The following PRDM16 variants were observed in gnomAD, a reference collection of about 807,000 sequenced individuals.
PRDM16 encodes the protein histone-lysine N-methyltransferase PRDM16.
A neutral mutation model predicts 110.6 loss-of-function variants in PRDM16; 23 were observed. The observed-to-expected ratio is 0.21, with a 90% CI of 0.15 to 0.29. The LOEUF (loss-of-function observed/expected upper bound fraction) is 0.29. PRDM16 is among the 10% of genes least tolerant of loss of function. The pLI, the probability that PRDM16 is intolerant of heterozygous loss-of-function variation, is 1.00. For synonymous variants in PRDM16, 799 were observed against 781.8 expected, an observed-to-expected ratio of 1.02 and a Z score of -0.37; for missense variants, 1,615 against 1,794.3, an observed-to-expected ratio of 0.90 and a Z score of 1.81.
Position 3,330,058 on chromosome 1 carries a change from C to T in PRDM16, c.439-55094C>T, listed in dbSNP as rs865858898. 3.3e-5 allele frequency among the ~76,000 whole-genome samples: 5 copies of T among 152,326 alleles called. No individual in the cohort carries two copies. The Middle Eastern group carries it at 0.014, about 417-fold the overall frequency. On this transcript the variant is annotated intron_variant, in intron 3 of 16. Transcript: ENST00000270722. ...TCACAAGTGATGATGGCAGAGTCTG[C>T]CCAGAGAACAGCAGCAGAGCCCTCC...
chr1:3,120,464 C>G (rs1035395131), intron 1 of PRDM16, among the ~76,000 whole-genome samples: 1 of 152,130 alleles, frequency 6.6e-6, no homozygotes, highest in Non-Finnish European at 1.5e-5. Flanking sequence ...GGGGTCGTCA[C>G]ACACAAAAAG....
intron 2 of PRDM16, among the ~76,000 whole-genome samples, chr1:3,191,998 GT>G (rs1461622793): frequency 6.6e-6 from 1 of 152,200 alleles, no homozygotes; most frequent in Non-Finnish European, 1.5e-5. Context: ...TTACTCCAGG[GT>G]TTTTGCAATG....
At position 3,316,712 on chromosome 1, in the gene PRDM16, G is replaced by T. The variant is rs199698147; in HGVS notation, c.439-68440G>T. On this transcript the variant is annotated intron_variant, in intron 3 of 16. Coordinates refer to ENST00000270722, the MANE Select transcript of PRDM16 (RefSeq NM_022114.4). ...GTAGACAGGAAACAGTGACATAGTG[G>T]AGCCAGGAAACAGTGACACGGTGTA... is the stretch of plus-strand genomic sequence containing the variant. Among the ~76,000 whole-genome samples the T allele has an allele frequency of 9.7e-5, 14 of 143,818 alleles. No individual in the cohort carries two copies. In the East Asian group the frequency reaches 1.9e-3, roughly 19 times the overall value. The allele number at this position is 143,818 out of a possible 152,430, so 94.4% of individuals were successfully genotyped here. A position where few individuals can be genotyped will look rare whatever the true frequency, so the allele number is the denominator to read the frequency against.
At chr1:3,223,476 C>A (rs1352328377) in intron 2 of PRDM16, among the ~76,000 whole-genome samples, 11 of 152,172 alleles carry the variant, frequency 7.2e-5, no homozygotes, top group Non-Finnish European at 1.6e-4. Flanking sequence ...CCCACGCTCA[C>A]CCCCGGCATG....
rs1206909521 is a variant in PRDM16, at chr1:3,402,788, C to G, written c.677-3C>G. 6.2e-7 allele frequency: 1 copy of G among 1,609,146 alleles called. No individual in the cohort carries two copies. The highest frequency in any genetic ancestry group is 1.7e-5 in the Admixed American group (1 of 59,938). ...CACCACCACCTCGTTCTCTCTCTTG[C>G]AGAGGAGCCCACGTTCCGCTGTGAC... On this transcript the variant is annotated splice_polypyrimidine_tract_variant and splice_region_variant and intron_variant, in intron 5 of 16. Coordinates refer to ENST00000270722, the MANE Select transcript of PRDM16 (RefSeq NM_022114.4).
In PRDM16 at chr1:3,128,822, G is replaced by T. The variant is rs113895603; in HGVS notation, c.38-57303G>T. ...CCTGAAGAGTGGACAGCTATCCACA[G>T]CCCAGTGAGTGCCCTGCTGGGAGCT... On this transcript the variant is annotated intron_variant, in intron 1 of 16. Coordinates refer to ENST00000270722, the MANE Select transcript of PRDM16 (RefSeq NM_022114.4). 1.9e-3 allele frequency among the ~76,000 whole-genome samples: 286 copies of T among 152,372 alleles called. 2 individuals are homozygous for T. The highest frequency in any genetic ancestry group is 6.5e-3 in the African/African-American group (270 of 41,584).
intron 3 of PRDM16, among the ~76,000 whole-genome samples, chr1:3,374,915 G>T (rs978181070): frequency 6.6e-6 from 1 of 152,192 alleles, no homozygotes; most frequent in Admixed American, 6.5e-5. Flanking sequence ...CCAGTGGCCC[G>T]AAGTGGCCGC....
At position 3,414,574 on chromosome 1, in the gene PRDM16, G is replaced by A. The variant is rs184929979; in HGVS notation, c.2618G>A (p.Arg873Gln). 95 of 1,613,264 alleles carry A rather than the reference G, an allele frequency of 5.9e-5. No individual in the cohort carries two copies. In the Admixed American group the frequency reaches 7.7e-4, roughly 13 times the overall value. Reference protein sequence around the residue: ...MDPIYSRVEKRKVTDPVGALK... With the variant: ...MDPIYSRVEKQKVTDPVGALK... The stretch of plus-strand genomic sequence containing the variant: ...CTGTTGTCCAGCAGGGTAGAAAAGC[G>A]GAAGGTCACAGACCCCGTGGGAGCC... The change falls in exon 10 of 17, where the codon CGG becomes CAG. Residue 873 changes from arginine (R) to glutamine (Q), a missense_variant. Arg to Gln is a conservative substitution (Grantham distance 43). Coordinates refer to ENST00000270722, the MANE Select transcript of PRDM16 (RefSeq NM_022114.4).
intron 1 of PRDM16, among the ~76,000 whole-genome samples, chr1:3,170,760 G>A (rs1476931290): frequency 3.3e-5 from 5 of 152,068 alleles, no homozygotes; most frequent in Admixed American, 2.0e-4. Flanking sequence ...GGCCGCTCCC[G>A]TCACCAGGGC....
intron 3 of PRDM16, among the ~76,000 whole-genome samples, chr1:3,346,256 G>A (rs1003640379): frequency 4.6e-5 from 7 of 152,330 alleles, no homozygotes; most frequent in South Asian, 2.1e-4. Context: ...GGTGAGCGAC[G>A]TACCCTTCCC....
chr1:3,259,097 C>T (rs1255060736), intron 3 of PRDM16, among the ~76,000 whole-genome samples: 1 of 152,206 alleles, frequency 6.6e-6, no homozygotes, highest in Non-Finnish European at 1.5e-5. Context: ...CCTGGATTGG[C>T]GGGCACCCTG....
At chr1:3,118,010 G>C (rs143291955) in intron 1 of PRDM16, among the ~76,000 whole-genome samples, 1 of 151,242 alleles carries the variant, frequency 6.6e-6, no homozygotes, top group Non-Finnish European at 1.5e-5. Flanking sequence ...GTGCGTGTGC[G>C]TGTGTGCATG....
chr1:3,276,420 G>A (rs940570771), intron 3 of PRDM16, among the ~76,000 whole-genome samples: 4 of 152,228 alleles, frequency 2.6e-5, no homozygotes, highest in Admixed American at 6.5e-5. Context: ...GGAGGGGAGC[G>A]TGGACTCTGC....
chr1:3,088,203 G>T (rs1211674001), intron 1 of PRDM16, among the ~76,000 whole-genome samples: 1 of 152,130 alleles, frequency 6.6e-6, no homozygotes, highest in African/African-American at 2.4e-5. Context: ...CCTCACCGAG[G>T]ACGTAGGCAG....
At chr1:3,131,035 C>G (rs1288029632) in intron 1 of PRDM16, among the ~76,000 whole-genome samples, 1 of 152,112 alleles carries the variant, frequency 6.6e-6, no homozygotes, top group East Asian at 1.9e-4. Flanking sequence ...ACGCTTGAAC[C>G]GGGTCCTGCA....
intron 1 of PRDM16, among the ~76,000 whole-genome samples, chr1:3,137,282 C>T (rs761632268): frequency 6.6e-6 from 1 of 152,220 alleles, no homozygotes; most frequent in Non-Finnish European, 1.5e-5. Flanking sequence ...GCCACCGGCC[C>T]GGGTGCAGGC....
rs1190783586 is a variant in PRDM16 at position 3,411,605 on chromosome 1, G to A, written c.1408G>A (p.Asp470Asn). The change falls in exon 9 of 17, where the codon GAC becomes AAC. Residue 470 changes from aspartate (D) to asparagine (N), a missense_variant. Coordinates refer to ENST00000270722, the MANE Select transcript of PRDM16 (RefSeq NM_022114.4). ...GCCCTTGACCCCCAGCCCCATGATG[G>A]ACAAGGCAAAACCCTCCCCCAGCCT... ...GLPLTPSPMM[D>N]KAKPSPSLNH... 1.9e-6 allele frequency: 3 copies of A among 1,613,978 alleles called. No individual in the cohort carries two copies. Among genetic ancestry groups the A allele is most frequent in the Non-Finnish European group, 1.7e-6 (2 of 1,180,006 alleles).
chr1:3,368,015 G>A (rs1455869915), intron 3 of PRDM16, among the ~76,000 whole-genome samples: 1 of 152,240 alleles, frequency 6.6e-6, no homozygotes, highest in Non-Finnish European at 1.5e-5. Flanking sequence ...GGACAGAGAT[G>A]AAGGGTTTGG....
At chr1:3,429,357 C>G (rs182440112) in intron 14 of PRDM16, among the ~76,000 whole-genome samples, 1 of 152,254 alleles carries the variant, frequency 6.6e-6, no homozygotes, top group East Asian at 1.9e-4. Context: ...AAAGCAAATA[C>G]TCTGTGCATG....
Sources: allele counts gnomAD v4.1 joint callset (sites outside exome capture counted in the v4.1 genomes callset), GRCh38; gene constraint gnomAD v4.1.1; transcripts MANE v1.5; gene names NCBI Gene and HGNC (gene_info 2026-07-23, HGNC 2026-07-21).